Variants in CIMIP7 observed in about 807,000 individuals in gnomAD.
CIMIP7 encodes the protein ciliary microtubule inner protein 7.
chr3:49,179,123 G>A, the CIMIP7 span, among the ~76,000 whole-genome samples: 9 of 152,156 alleles, frequency 5.9e-5, no homozygotes, highest in Middle Eastern at 3.4e-3. Context: ...CTCAGACCAC[G>A]GCAGCCAGAT....
At chr3:49,190,196 A>G in the CIMIP7 span, 2 of 1,271,528 alleles carry the variant, frequency 1.6e-6, no homozygotes, top group Non-Finnish European at 2.2e-6. Context: ...TGGATCCTAG[A>G]CCTCAGGGCC....
chr3:49,180,625 G>A, the CIMIP7 span, among the ~76,000 whole-genome samples: 9 of 151,844 alleles, frequency 5.9e-5, no homozygotes, highest in Non-Finnish European at 7.4e-5. Context: ...CTTATTGTAT[G>A]TGTGTTTAAG....
At chr3:49,190,186 T>G in the CIMIP7 span, 1 of 1,388,002 alleles carries the variant, frequency 7.2e-7, no homozygotes, top group East Asian at 2.4e-5. Context: ...ATCTCCACCA[T>G]GGATCCTAGA....
the CIMIP7 span, among the ~76,000 whole-genome samples, chr3:49,191,407 A>G: frequency 1.3e-5 from 2 of 152,216 alleles, no homozygotes; most frequent in South Asian, 4.1e-4. Flanking sequence ...CAAAAACACA[A>G]TCTTTGCCCT....
chr3:49,187,767 G>A, the CIMIP7 span, among the ~76,000 whole-genome samples: 1 of 152,160 alleles, frequency 6.6e-6, no homozygotes, highest in South Asian at 2.1e-4. Context: ...CTCTCAGCCA[G>A]TGCAAAAAGA....
the CIMIP7 span, chr3:49,190,034 C>T: frequency 6.2e-7 from 1 of 1,613,502 alleles, no homozygotes; most frequent in Non-Finnish European, 8.5e-7. Context: ...CCTGACATCG[C>T]TGCAGGAACA....
At chr3:49,183,249 A>G in the CIMIP7 span, among the ~76,000 whole-genome samples, 25 of 152,366 alleles carry the variant, frequency 1.6e-4, no homozygotes, top group African/African-American at 6.0e-4. Context: ...CTACACATCT[A>G]TCAGAATGGC....
At chr3:49,184,920 C>T in the CIMIP7 span, among the ~76,000 whole-genome samples, 2 of 151,858 alleles carry the variant, frequency 1.3e-5, no homozygotes, top group African/African-American at 4.8e-5. Context: ...TGAGCCACTG[C>T]GCCCGACCTA....
At chr3:49,182,040 C>T in the CIMIP7 span, among the ~76,000 whole-genome samples, 2 of 152,170 alleles carry the variant, frequency 1.3e-5, no homozygotes, top group African/African-American at 2.4e-5. Context: ...TTGTTCGTTC[C>T]TCCGGGTGGG....
chr3:49,183,103 A>G, the CIMIP7 span, among the ~76,000 whole-genome samples: 1 of 152,212 alleles, frequency 6.6e-6, no homozygotes, highest in Non-Finnish European at 1.5e-5. Flanking sequence ...CAAGTGCCCC[A>G]AAGTGGGAGT....
chr3:49,190,973 G>A, the CIMIP7 span, among the ~76,000 whole-genome samples: 1 of 151,984 alleles, frequency 6.6e-6, no homozygotes, highest in Non-Finnish European at 1.5e-5. Context: ...GGCCTGGAGA[G>A]AATTTCAGAG....
the CIMIP7 span, among the ~76,000 whole-genome samples, chr3:49,184,159 G>A: frequency 1.3e-5 from 2 of 152,064 alleles, no homozygotes; most frequent in Admixed American, 6.6e-5. Context: ...CATCATGCCT[G>A]GCTAATTGTT....
the CIMIP7 span, chr3:49,177,816 G>A: frequency 1.2e-5 from 20 of 1,612,850 alleles, no homozygotes; most frequent in Non-Finnish European, 1.7e-5. Flanking sequence ...GGCAGCAGAA[G>A]TTCTGCTGGT....
the CIMIP7 span, among the ~76,000 whole-genome samples, chr3:49,190,735 C>G: frequency 2.2e-5 from 3 of 139,330 alleles, no homozygotes; most frequent in African/African-American, 8.1e-5. Context: ...GTGGTGCGAT[C>G]TTGGTTCACT....
the CIMIP7 span, among the ~76,000 whole-genome samples, chr3:49,186,420 T>C: frequency 2.0e-5 from 3 of 147,338 alleles, no homozygotes; most frequent in African/African-American, 7.5e-5. Flanking sequence ...TTTTTTTTTT[T>C]GGAGATGGAG....
chr3:49,186,593 T>C, the CIMIP7 span, among the ~76,000 whole-genome samples: 2 of 152,110 alleles, frequency 1.3e-5, no homozygotes, highest in Non-Finnish European at 2.9e-5. Flanking sequence ...TTCGTAGAGA[T>C]GGGGTTTCAC....
the CIMIP7 span, among the ~76,000 whole-genome samples, chr3:49,181,898 GT>G: frequency 6.6e-6 from 1 of 152,194 alleles, no homozygotes; most frequent in Non-Finnish European, 1.5e-5. Flanking sequence ...CATGTCCGGA[GT>G]TTGTTCCTTC....
the CIMIP7 span, among the ~76,000 whole-genome samples, chr3:49,185,949 T>G: frequency 6.6e-6 from 1 of 151,712 alleles, no homozygotes. Context: ...CCTCCCAAAG[T>G]GCAGGGATTA....
the CIMIP7 span, among the ~76,000 whole-genome samples, chr3:49,185,451 A>G: frequency 1.3e-5 from 2 of 151,582 alleles, no homozygotes; most frequent in African/African-American, 4.8e-5. Flanking sequence ...CTGTAATCCC[A>G]GCTACTCAGG....
Sources: allele counts gnomAD v4.1 joint callset (sites outside exome capture counted in the v4.1 genomes callset), GRCh38; gene constraint gnomAD v4.1.1; transcripts MANE v1.5; gene names NCBI Gene and HGNC (gene_info 2026-07-23, HGNC 2026-07-21).